BCAS3: variants seen among roughly 807,000 people sequenced by gnomAD.
BCAS3 encodes the protein BCAS4/BCAS3 fusion.
Under a neutral mutation model 116.1 loss-of-function variants are expected in BCAS3, and 53 were observed. That is an observed-to-expected ratio of 0.46 (90% CI 0.37 to 0.57). BCAS3 has a LOEUF of 0.57. Among genes scored for constraint, BCAS3 ranks in the 20% least tolerant of loss-of-function variants. BCAS3 has a pLI of 0.00. For synonymous variants in BCAS3, 391 were observed against 408.2 expected (o/e 0.96, Z 0.51); for missense variants, 917 against 1,165.4 (o/e 0.79, Z 3.10).
In BCAS3 at chr17:61,235,825, T is replaced by C. The variant is rs546971171; in HGVS notation, c.2426-132502T>C. 6.6e-6 allele frequency among the ~76,000 whole-genome samples: 1 copy of C among 152,280 alleles called. No homozygotes were observed. The highest frequency in any genetic ancestry group is 2.4e-5 in the African/African-American group (1 of 41,554). On this transcript the variant is annotated intron_variant, in intron 22 of 23. Transcript: ENST00000407086. This position sits in a 1 kb window ranked among gnomAD's most constrained non-coding sequence, Gnocchi z 5.0. ...TTATATGTTAGCTTAACAGTAATAC[T>C]AGGAAAATAATCCTCCTCTTGTCTA...
intron 6 of BCAS3, among the ~76,000 whole-genome samples, chr17:60,771,166 A>T (rs1366494121): frequency 6.6e-6 from 1 of 152,102 alleles, no homozygotes; most frequent in Admixed American, 6.6e-5. Flanking sequence ...GTCTCCCAGT[A>T]TATGGTTTTT....
At position 60,990,039 on chromosome 17, in the gene BCAS3, C is replaced by T. The variant is rs200886855; in HGVS notation, c.1290C>T (p.His430=). The T allele has an allele frequency of 7.8e-5, 126 of 1,614,044 alleles. 1 individual carries two copies. The highest frequency in any genetic ancestry group is 9.2e-5 in the Non-Finnish European group (108 of 1,180,030). Residue 430 remains histidine, a synonymous_variant, in exon 15 of 24, where the codon CAC becomes CAT. Transcript: ENST00000407086. This position sits in a 1 kb window ranked among gnomAD's most constrained non-coding sequence, Gnocchi z 5.1. The part of the protein sequence containing the change: ...VVVSTLRGTS[H]VFPINPYGGQ... ...TCAGTACTCTCCGGGGTACTTCCCA[C>T]GTTTTCCCCATCAACCCTTATGGTG...
At chr17:60,753,398 T>TATTTATTTATTTA (rs1555694774) in intron 6 of BCAS3, among the ~76,000 whole-genome samples, 6 of 147,436 alleles carry the variant, frequency 4.1e-5, no homozygotes, top group African/African-American at 1.5e-4. Context: ...TTTATTTATT[T>TATTTATTTATTTA]ATTTATTTAT....
chr17:61,229,985 C>T lies in BCAS3; in HGVS notation c.2426-138342C>T, dbSNP rs896256298. On this transcript the variant is annotated intron_variant, in intron 22 of 23. Coordinates refer to ENST00000407086, the MANE Select transcript of BCAS3 (RefSeq NM_017679.5). The surrounding 1 kb of genome is among the most constrained non-coding windows in gnomAD (Gnocchi z 4.4). ...ACCGAAAATACAAAAATTAGCCGGGCGTGGTAGCACGTGCCTATAGTCCCA... is the reference window on the plus strand; with the variant it reads ...ACCGAAAATACAAAAATTAGCCGGGTGTGGTAGCACGTGCCTATAGTCCCA... Among the ~76,000 whole-genome samples the T allele has an allele frequency of 2.0e-5, 3 of 152,134 alleles. No individual in the cohort carries two copies. Among genetic ancestry groups the T allele is most frequent in the African/African-American group, 7.2e-5 (3 of 41,418 alleles).
chr17:61,023,752 T>G lies in BCAS3; in HGVS notation c.1637+7851T>G, dbSNP rs999109448. 6.6e-6 allele frequency among the ~76,000 whole-genome samples: 1 copy of G among 152,138 alleles called. No individual in the cohort carries two copies. Among genetic ancestry groups the G allele is most frequent in the African/African-American group, 2.4e-5 (1 of 41,456 alleles). ...AACCCTTTGAGAACTAATGGCCAGGTCATTTCACGGTGGCCTATATATAAG... is the reference window on the plus strand; with the variant it reads ...AACCCTTTGAGAACTAATGGCCAGGGCATTTCACGGTGGCCTATATATAAG... On this transcript the variant is annotated intron_variant, in intron 16 of 23. Coordinates refer to ENST00000407086, the MANE Select transcript of BCAS3 (RefSeq NM_017679.5). This position sits in a 1 kb window ranked among gnomAD's most constrained non-coding sequence, Gnocchi z 4.8.
At chr17:61,182,182 A>C (rs1448994666) in intron 22 of BCAS3, among the ~76,000 whole-genome samples, 2 of 152,162 alleles carry the variant, frequency 1.3e-5, no homozygotes, top group Non-Finnish European at 2.9e-5. Flanking sequence ...CCATTGCTTT[A>C]TGCTTGAGAT....
At chr17:60,944,384 G>A (rs915833578) in intron 13 of BCAS3, among the ~76,000 whole-genome samples, 6 of 151,962 alleles carry the variant, frequency 3.9e-5, no homozygotes, top group Admixed American at 1.3e-4. Flanking sequence ...ATATTTAATG[G>A]TAGTTAAAAA....
At position 61,208,598 on chromosome 17, in the gene BCAS3, A is replaced by G. The variant is rs1182567140; in HGVS notation, c.2425+124034A>G. Among the ~76,000 whole-genome samples the G allele has an allele frequency of 6.6e-6, 1 of 152,210 alleles. No individual in the cohort carries two copies. The highest frequency in any genetic ancestry group is 2.4e-5 in the African/African-American group (1 of 41,456). ...GCACGTGGTCATCCCAAATGCTAAT[A>G]TCAGAGACTCTCTTTTAAAGCTACT... On this transcript the variant is annotated intron_variant, in intron 22 of 23. Coordinates refer to ENST00000407086, the MANE Select transcript of BCAS3 (RefSeq NM_017679.5). This position sits in a 1 kb window ranked among gnomAD's most constrained non-coding sequence, Gnocchi z 4.5.
At chr17:60,722,704 T>C (rs1372623584) in intron 5 of BCAS3, among the ~76,000 whole-genome samples, 2 of 148,980 alleles carry the variant, frequency 1.3e-5, no homozygotes, top group Non-Finnish European at 3.0e-5. Context: ...GAGGTTGCAG[T>C]GAGCCGAGAT....
chr17:61,075,810 C>T (rs1486301965), intron 20 of BCAS3, among the ~76,000 whole-genome samples: 1 of 152,164 alleles, frequency 6.6e-6, no homozygotes, highest in African/African-American at 2.4e-5. Flanking sequence ...TCTGATGGTG[C>T]CTTGGTTTCC....
At position 61,239,556 on chromosome 17, in the gene BCAS3, T is replaced by G. The variant is rs2083307406; in HGVS notation, c.2426-128771T>G. 6.6e-6 allele frequency among the ~76,000 whole-genome samples: 1 copy of G among 152,194 alleles called. No homozygotes were observed. Among genetic ancestry groups the G allele is most frequent in the Admixed American group, 6.5e-5 (1 of 15,276 alleles). ...TTGCATTTTATCAGTGGCTCCAAGA[T>G]TAATATAAAAAGAGAACTTCATTTA... On this transcript the variant is annotated intron_variant, in intron 22 of 23. Coordinates refer to ENST00000407086, the MANE Select transcript of BCAS3 (RefSeq NM_017679.5). The surrounding 1 kb of genome is among the most constrained non-coding windows in gnomAD (Gnocchi z 4.2).
chr17:61,267,436 G>T (rs1414427019), intron 22 of BCAS3, among the ~76,000 whole-genome samples: 10 of 150,596 alleles, frequency 6.6e-5, no homozygotes, highest in African/African-American at 2.4e-4. Context: ...TTTATTTTTT[G>T]AAAAGAAAAA....
chr17:61,207,170 A>G (rs944619765), intron 22 of BCAS3, among the ~76,000 whole-genome samples: 2 of 152,218 alleles, frequency 1.3e-5, no homozygotes, highest in Non-Finnish European at 2.9e-5. Context: ...GGCTACACAC[A>G]TAAAAGAACA....
intron 4 of BCAS3, among the ~76,000 whole-genome samples, chr17:60,701,691 G>A (rs1395287713): frequency 1.3e-5 from 2 of 152,000 alleles, no homozygotes; most frequent in Admixed American, 6.6e-5. Context: ...CAGGCACGGT[G>A]GCTCACGCCT....
Position 61,326,993 on chromosome 17 carries a change from G to A in BCAS3, c.2426-41334G>A, listed in dbSNP as rs1040060782. Among the ~76,000 whole-genome samples the A allele has an allele frequency of 1.2e-4, 19 of 152,158 alleles. No homozygotes were observed. Among genetic ancestry groups the A allele is most frequent in the African/African-American group, 4.6e-4 (19 of 41,512 alleles). Reference sequence around the variant, plus strand: ...ATATTTTTAAAGGAAATATAAAAGGGCAATAAAATTTTTAATTAAAAAACA... The same window carrying A: ...ATATTTTTAAAGGAAATATAAAAGGACAATAAAATTTTTAATTAAAAAACA... On this transcript the variant is annotated intron_variant, in intron 22 of 23. Coordinates refer to ENST00000407086, the MANE Select transcript of BCAS3 (RefSeq NM_017679.5). The surrounding 1 kb of genome is among the most constrained non-coding windows in gnomAD (Gnocchi z 5.3).
At position 61,074,953 on chromosome 17, in the gene BCAS3, G is replaced by C. The variant is rs267604978; in HGVS notation, c.2063G>C (p.Arg688Pro). 1.5e-5 allele frequency: 24 copies of C among 1,613,352 alleles called. No individual in the cohort carries two copies. The highest frequency in any genetic ancestry group is 1.9e-5 in the Non-Finnish European group (23 of 1,179,622). Residue 688 changes from arginine to proline, a missense_variant, in exon 20 of 24, where the codon CGA becomes CCA. Coordinates refer to ENST00000407086, the MANE Select transcript of BCAS3 (RefSeq NM_017679.5). Reference protein sequence around the residue: ...VPPGSPGPITRHGSYDSLASD... With the variant: ...VPPGSPGPITPHGSYDSLASD... ...CCTGGAAGTCCTGGGCCCATTACTC[G>C]ACATGGGTCTTACGACAGTTTAGCT...
chr17:60,952,192 G>C, intron 14 of BCAS3, among the ~76,000 whole-genome samples: 1 of 151,946 alleles, frequency 6.6e-6, no homozygotes, highest in Non-Finnish European at 1.5e-5. Context: ...TTGTGTTCTT[G>C]TTGCTACAGT....
intron 22 of BCAS3, among the ~76,000 whole-genome samples, chr17:61,179,897 GC>G (rs2079383161): frequency 8.6e-6 from 1 of 115,994 alleles, no homozygotes; most frequent in Non-Finnish European, 1.8e-5. Flanking sequence ...TTTTTTGGCA[GC>G]CCAATTTGTT....
In BCAS3 at chr17:61,244,182, C is replaced by G. The variant is rs934159124; in HGVS notation, c.2426-124145C>G. On this transcript the variant is annotated intron_variant, in intron 22 of 23. Coordinates refer to ENST00000407086, the MANE Select transcript of BCAS3 (RefSeq NM_017679.5). This position sits in a 1 kb window ranked among gnomAD's most constrained non-coding sequence, Gnocchi z 4.9. ...ATTATTTAAAAAGCTTAAGAAAAAA[C>G]AGAAGAAAAAAGAAAACTAAAATCA... is the stretch of plus-strand genomic sequence containing the variant. Among the ~76,000 whole-genome samples the G allele has an allele frequency of 1.3e-5, 2 of 152,048 alleles. No homozygotes were observed. Among genetic ancestry groups the G allele is most frequent in the East Asian group, 1.9e-4 (1 of 5,198 alleles).
Sources: gnomAD v4.1 joint callset for allele counts (sites outside exome capture counted in the v4.1 genomes callset) on GRCh38, gnomAD v4.1.1 for gene constraint, Gnocchi (gnomAD v3.1) non-coding constraint, MANE v1.5 for transcripts, NCBI Gene and HGNC (gene_info 2026-07-23, HGNC 2026-07-21) for gene names.